The following RTN4 variants were observed in gnomAD, a reference collection of about 807,000 sequenced individuals.
The protein encoded by RTN4 is reticulon-4.
Under a neutral mutation model 90.4 loss-of-function variants are expected in RTN4, and 32 were observed. The observed-to-expected ratio is 0.35, with a 90% CI of 0.27 to 0.48. RTN4 has a LOEUF of 0.48. Ranked by LOEUF, RTN4 falls within the 20% of genes least tolerant of loss-of-function variation. The pLI is 0.99. For missense variants in RTN4, 1,706 were observed against 1,430.2 expected, an observed-to-expected ratio of 1.19 and a Z score of -3.11; for synonymous variants, 629 against 552.5, an observed-to-expected ratio of 1.14 and a Z score of -1.94.
chr2:55,027,337 A>T lies in RTN4; in HGVS notation c.762T>A (p.Asn254Lys), dbSNP rs770572435. ...ASFKEHEYLG[N>K]LSTVLPTEGT... Reference sequence around the variant, plus strand: ...CTTCAGTGGGTAATACTGTTGACAAATTACCAAGGTATTCATGTTCTTTGA... The same window carrying T: ...CTTCAGTGGGTAATACTGTTGACAATTTACCAAGGTATTCATGTTCTTTGA... The change falls in exon 3 of 9, where the codon AAT becomes AAA. Residue 254 changes from asparagine (N) to lysine (K), a missense_variant. Transcript: ENST00000337526. 2 of 1,613,606 alleles carry T rather than the reference A, an allele frequency of 1.2e-6. No individual in the cohort carries two copies. The highest frequency in any genetic ancestry group is 1.7e-6 in the Non-Finnish European group (2 of 1,179,786).
At chr2:55,123,808 T>G in the RTN4 span, among the ~76,000 whole-genome samples, 6 of 152,162 alleles carry the variant, frequency 3.9e-5, 1 homozygote, top group Non-Finnish European at 7.3e-5. Flanking sequence ...TTAATAGCAC[T>G]TTTCTTTCCT....
intron 1 of RTN4, among the ~76,000 whole-genome samples, chr2:55,088,841 G>A (rs190651636): frequency 1.1e-4 from 17 of 152,232 alleles, no homozygotes; most frequent in African/African-American, 3.9e-4. Flanking sequence ...AATTAGGAAG[G>A]GCTCCTCATT....
chr2:55,110,949 G>T (rs1668027493), intron 1 of RTN4, among the ~76,000 whole-genome samples: 1 of 152,164 alleles, frequency 6.6e-6, no homozygotes. Context: ...GCTGAGGCAG[G>T]AGAATTGCTT....
intron 3 of RTN4, among the ~76,000 whole-genome samples, chr2:54,994,987 G>A (rs1437508168): frequency 1.3e-5 from 2 of 152,194 alleles, no homozygotes; most frequent in Non-Finnish European, 2.9e-5. Flanking sequence ...GCTCACGCCT[G>A]TAATCCCAGC....
intron 2 of RTN4, among the ~76,000 whole-genome samples, chr2:55,072,188 A>G (rs1307931481): frequency 6.6e-6 from 1 of 151,722 alleles, no homozygotes; most frequent in Non-Finnish European, 1.5e-5. Context: ...ACTGGAGTAA[A>G]CAGAGTCAAA....
the RTN4 span, among the ~76,000 whole-genome samples, chr2:55,137,805 T>G: frequency 6.6e-6 from 1 of 152,154 alleles, no homozygotes; most frequent in Non-Finnish European, 1.5e-5. Flanking sequence ...AAGCGGAACC[T>G]GCCGCAGGCC....
At chr2:55,049,547 T>C (rs1026809203) in intron 1 of RTN4, 198 bp downstream of exon 1, 11 of 858,506 alleles carry the variant, frequency 1.3e-5, no homozygotes, top group Non-Finnish European at 2.1e-5. Flanking sequence ...AGACGGACAA[T>C]AAGAACAAAC....
At chr2:55,037,723 C>G (rs2968786) in intron 1 of RTN4, among the ~76,000 whole-genome samples, 57,812 of 151,996 alleles carry the variant, frequency 0.38, 11,179 homozygotes, top group East Asian at 0.63. Flanking sequence ...TCACTTATCC[C>G]CCCTACTAAT....
intron 2 of RTN4, among the ~76,000 whole-genome samples, chr2:55,076,955 A>G (rs528921269): frequency 2.5e-4 from 38 of 152,010 alleles, no homozygotes; most frequent in Non-Finnish European, 4.7e-4. Context: ...CTAGCCATGC[A>G]GAACTGTGAG....
chr2:55,111,080 G>T lies in RTN4; in HGVS notation c.-214+1440C>A, dbSNP rs1276494666. The stretch of plus-strand genomic sequence containing the variant: ...AATAATAATAATGTATCTCCGCATG[G>T]GGGATAAGGTCTGAAAAAAAGAAAA... On this transcript the variant is annotated intron_variant, in intron 1 of 3. Transcript: ENST00000427710. Among the ~76,000 whole-genome samples, 3 of 152,166 alleles carry T rather than the reference G, an allele frequency of 2.0e-5. No homozygotes were observed. In the East Asian group the frequency reaches 5.8e-4, roughly 29 times the overall value.
At chr2:55,088,922 G>GTTATTTAT (rs139755357) in intron 1 of RTN4, among the ~76,000 whole-genome samples, 3 of 151,890 alleles carry the variant, frequency 2.0e-5, no homozygotes, top group Non-Finnish European at 2.9e-5. Flanking sequence ...CAAGAATAGG[G>GTTATTTAT]TTATTTATTT....
chr2:55,082,471 C>A (rs2105032246), intron 1 of RTN4, among the ~76,000 whole-genome samples: 1 of 152,312 alleles, frequency 6.6e-6, no homozygotes, highest in African/African-American at 2.4e-5. Context: ...CAAGCCCAGC[C>A]TTGGCGACTG....
At chr2:54,978,192 G>A (rs1210902187) in intron 5 of RTN4, among the ~76,000 whole-genome samples, 20 of 152,196 alleles carry the variant, frequency 1.3e-4, no homozygotes, top group Admixed American at 1.3e-3. Flanking sequence ...CACTCTGGGA[G>A]GCCAAGGCAG....
chr2:55,055,474 C>T (rs916887850), upstream of RTN4, among the ~76,000 whole-genome samples: 4 of 152,026 alleles, frequency 2.6e-5, no homozygotes, highest in Non-Finnish European at 5.9e-5. Context: ...TCAACTAAAA[C>T]CAACTGACCT....
intron 3 of RTN4, among the ~76,000 whole-genome samples, chr2:55,015,991 T>C (rs1289592533): frequency 6.6e-6 from 1 of 152,210 alleles, no homozygotes. Flanking sequence ...CCTAGGTTTT[T>C]ATTTCAAATT....
At chr2:55,134,432 T>A in the RTN4 span, among the ~76,000 whole-genome samples, 2 of 151,842 alleles carry the variant, frequency 1.3e-5, no homozygotes, top group African/African-American at 4.8e-5. Flanking sequence ...GTAATAAGAC[T>A]CCCCCAGGTC....
At chr2:55,029,819 G>A (rs1682172508) in intron 1 of RTN4, among the ~76,000 whole-genome samples, 2 of 152,020 alleles carry the variant, frequency 1.3e-5, no homozygotes, top group Admixed American at 1.3e-4. Context: ...GTAACATAAT[G>A]GCTTATAAGA....
In RTN4 at chr2:54,982,510, C is replaced by T; in HGVS notation, c.3360+5G>A. 1 of 1,604,632 alleles carries T rather than the reference C, an allele frequency of 6.2e-7. No homozygotes were observed. The highest frequency in any genetic ancestry group is 8.5e-7 in the Non-Finnish European group (1 of 1,177,260). ...TATCAAAAATGAAAGGCAAAATAAA[C>T]TTACCTTCAGAGAATCAACTAAATC... On this transcript the variant is annotated splice_donor_5th_base_variant and intron_variant, in intron 5 of 8. Transcript: ENST00000337526.
intron 3 of RTN4, chr2:55,010,316 T>G (rs1558800030): frequency 7.2e-7 from 1 of 1,396,580 alleles, no homozygotes; most frequent in African/African-American, 1.4e-5. Context: ...TCTGACGCAG[T>G]GCAATCTGTA....
Sources: gnomAD v4.1 joint callset for allele counts (sites outside exome capture counted in the v4.1 genomes callset) on GRCh38, gnomAD v4.1.1 for gene constraint, MANE v1.5 for transcripts, NCBI Gene and HGNC (gene_info 2026-07-23, HGNC 2026-07-21) for gene names.